Variants in RORA observed in about 807,000 individuals in gnomAD.
The protein encoded by RORA is nuclear receptor ROR-alpha.
A neutral mutation model predicts 69.5 loss-of-function variants in RORA; 7 were observed. The observed-to-expected ratio is 0.10, with a 90% CI of 0.06 to 0.19. The LOEUF is 0.19. Ranked by LOEUF, RORA falls within the 10% of genes least tolerant of loss-of-function variation. The pLI, the probability that RORA is intolerant of heterozygous loss-of-function variation, is 1.00. For missense variants in RORA, 457 were observed against 663.0 expected (o/e 0.69, Z 3.41); for synonymous variants, 261 against 240.8 (o/e 1.08, Z -0.78).
intron 2 of RORA, among the ~76,000 whole-genome samples, chr15:60,674,124 T>TGTGAGTCACA (rs2140740990): frequency 6.6e-6 from 1 of 152,338 alleles, no homozygotes; most frequent in South Asian, 2.1e-4. Flanking sequence ...CGTGAGTCAC[T>TGTGAGTCACA]GTGAGTCACA....
chr15:60,930,852 C>T lies in RORA; in HGVS notation c.167-252166G>A, dbSNP rs925874893. On this transcript the variant is annotated intron_variant, in intron 1 of 10. Coordinates refer to ENST00000335670, the MANE Select transcript of RORA (RefSeq NM_134261.3). ...ATTTATCTCTGAGCCAAGAGACCGACCCTGGTGGGGCAAAACCAGTATGTT... is the reference window on the plus strand; with the variant it reads ...ATTTATCTCTGAGCCAAGAGACCGATCCTGGTGGGGCAAAACCAGTATGTT... 2.0e-5 allele frequency among the ~76,000 whole-genome samples: 3 copies of T among 152,310 alleles called. No homozygotes were observed. The South Asian group carries it at 6.2e-4, about 32-fold the overall frequency.
At chr15:60,752,030 C>T (rs1270663555) in intron 1 of RORA, among the ~76,000 whole-genome samples, 1 of 151,916 alleles carries the variant, frequency 6.6e-6, no homozygotes, top group Non-Finnish European at 1.5e-5. Flanking sequence ...GAGAGAAGGG[C>T]CATCAATAAG....
intron 1 of RORA, among the ~76,000 whole-genome samples, chr15:60,916,064 A>C (rs1891864476): frequency 6.6e-6 from 1 of 152,216 alleles, no homozygotes; most frequent in Non-Finnish European, 1.5e-5. Context: ...GACTGGAAGG[A>C]AAGAAAGGTT....
Position 60,505,611 on chromosome 15 carries a change from A to G in RORA, c.839T>C (p.Ile280Thr). ...GCAGGTTTCCAGATGCGATTTAGATATATTCTGTGCAAGGTGTTCTAAGGA... is the reference window on the plus strand; with the variant it reads ...GCAGGTTTCCAGATGCGATTTAGATGTATTCTGTGCAAGGTGTTCTAAGGA... Reference protein sequence around the residue: ...MAELEHLAQNISKSHLETCQY... With the variant: ...MAELEHLAQNTSKSHLETCQY... The change falls in exon 6 of 11, where the codon ATA becomes ACA. Residue 280 changes from isoleucine to threonine, a missense_variant. Physicochemically the swap from Ile to Thr is moderately conservative, Grantham distance 89. Around this residue, in one of 3 missense-constraint regions of RORA, gnomAD observed 304 missense variants for 447.4 expected, o/e 0.68. Coordinates refer to ENST00000335670, the MANE Select transcript of RORA (RefSeq NM_134261.3). 1 of 1,614,002 alleles carries G rather than the reference A, an allele frequency of 6.2e-7. No homozygotes were observed. Among genetic ancestry groups the G allele is most frequent in the Non-Finnish European group, 8.5e-7 (1 of 1,179,908 alleles).
intron 1 of RORA, among the ~76,000 whole-genome samples, chr15:60,758,855 C>T (rs1012366658): frequency 6.6e-6 from 1 of 152,162 alleles, no homozygotes; most frequent in South Asian, 2.1e-4. Flanking sequence ...TCACACCCAC[C>T]AGATCATTTA....
chr15:61,200,460 CA>C (rs1163543110), intron 1 of RORA, among the ~76,000 whole-genome samples: 1 of 152,134 alleles, frequency 6.6e-6, no homozygotes, highest in Non-Finnish European at 1.5e-5. Flanking sequence ...AGAGCAAAAG[CA>C]AACTGCAGGA....
At chr15:61,046,231 G>A (rs1042913793) in intron 1 of RORA, among the ~76,000 whole-genome samples, 2 of 152,172 alleles carry the variant, frequency 1.3e-5, no homozygotes, top group Admixed American at 6.5e-5. Context: ...CTTTTAATTA[G>A]CATGAGGAAA....
intron 1 of RORA, among the ~76,000 whole-genome samples, chr15:61,126,665 GAACATCAA>G (rs1365634941): frequency 2.2e-4 from 34 of 152,236 alleles, no homozygotes; most frequent in African/African-American, 7.9e-4. Context: ...TATCTTGTTT[GAACATCAA>G]AACACTCTCC....
chr15:60,565,020 A>G (rs556091270), intron 2 of RORA, among the ~76,000 whole-genome samples: 2 of 152,164 alleles, frequency 1.3e-5, no homozygotes, highest in Non-Finnish European at 2.9e-5. Context: ...TTCTACCAAT[A>G]TCTCAGCAAA....
chr15:61,024,881 C>T (rs1199063174), intron 1 of RORA, among the ~76,000 whole-genome samples: 4 of 152,292 alleles, frequency 2.6e-5, no homozygotes, highest in South Asian at 2.1e-4. Flanking sequence ...TGTGAGCCAC[C>T]GCACCCAGCT....
At chr15:60,615,045 A>G (rs1596061040) in intron 2 of RORA, 1 of 1,608,412 alleles carries the variant, frequency 6.2e-7, no homozygotes, top group East Asian at 2.2e-5. Context: ...GGAAAACAGA[A>G]CAGCGTCAAC....
At position 60,489,372 on chromosome 15, in the gene RORA, A is replaced by G. The variant is rs2065006088; in HGVS notation, c.*8083T>C. ...AGAATTTATCACCTTCAGTTACAAA[A>G]AGTGCAGTAAACAGAAACATTTGCT... is the stretch of plus-strand genomic sequence containing the variant. On this transcript the variant is annotated 3_prime_UTR_variant, in exon 11 of 11. Transcript: ENST00000335670. The G allele has an allele frequency of 6.6e-6, 1 of 152,246 alleles. No homozygotes were observed. The highest frequency in any genetic ancestry group is 6.5e-5 in the Admixed American group (1 of 15,290). 9.4% of individuals were successfully genotyped at this position (152,246 alleles called of 1,614,324 possible). A position where few individuals can be genotyped will look rare whatever the true frequency, so the allele number is the denominator to read the frequency against.
intron 1 of RORA, among the ~76,000 whole-genome samples, chr15:61,130,610 T>A (rs2079182092): frequency 6.6e-6 from 1 of 152,178 alleles, no homozygotes; most frequent in South Asian, 2.1e-4. Flanking sequence ...TGGGGCTTAA[T>A]TTCCTCCTCC....
At chr15:60,977,241 G>A (rs979986698) in intron 1 of RORA, among the ~76,000 whole-genome samples, 1 of 152,070 alleles carries the variant, frequency 6.6e-6, no homozygotes, top group African/African-American at 2.4e-5. Context: ...CTGGTGGGGA[G>A]GGGGTCGTAA....
At chr15:61,005,959 GTTTT>G (rs1255014767) in intron 1 of RORA, among the ~76,000 whole-genome samples, 4 of 111,380 alleles carry the variant, frequency 3.6e-5, no homozygotes, top group Admixed American at 8.3e-5. Flanking sequence ...TTGTTTGTTT[GTTTT>G]GTTTTGTTTT....
rs2078141106 is a variant in RORA, at chr15:61,059,496, C to A, written c.166+169557G>T. Among the ~76,000 whole-genome samples the A allele has an allele frequency of 2.0e-5, 3 of 152,170 alleles. No homozygotes were observed. In the South Asian group the frequency reaches 6.2e-4, roughly 32 times the overall value. On this transcript the variant is annotated intron_variant, in intron 1 of 10. Transcript: ENST00000335670. ...TCAAATGTACCTATTTATTACAAGA[C>A]CATTGTATAAGGAATTATGAATGTT...
At chr15:60,880,968 C>T (rs748777991) in intron 1 of RORA, among the ~76,000 whole-genome samples, 5 of 152,188 alleles carry the variant, frequency 3.3e-5, no homozygotes, top group Non-Finnish European at 5.9e-5. Flanking sequence ...CTATCTCTCA[C>T]CCCTATTTTA....
chr15:60,822,724 C>T (rs1330935316), intron 1 of RORA, among the ~76,000 whole-genome samples: 1 of 152,184 alleles, frequency 6.6e-6, no homozygotes, highest in Non-Finnish European at 1.5e-5. Context: ...TGCGCATTAG[C>T]TGCCTTTAAA....
intron 1 of RORA, among the ~76,000 whole-genome samples, chr15:61,088,047 C>A (rs906173094): frequency 2.0e-5 from 3 of 152,190 alleles, no homozygotes; most frequent in Non-Finnish European, 2.9e-5. Flanking sequence ...TGGTTCAATT[C>A]GGATCTACAG....
Sources: gnomAD v4.1 joint callset for allele counts (sites outside exome capture counted in the v4.1 genomes callset) on GRCh38, gnomAD v4.1.1 for gene constraint, gnomAD v4.1.1 regional missense constraint, MANE v1.5 for transcripts, NCBI Gene and HGNC (gene_info 2026-07-23, HGNC 2026-07-21) for gene names.